Variants in ICA1L observed in about 807,000 individuals in gnomAD.
The protein encoded by ICA1L is islet cell autoantigen 1-like protein.
Under a neutral mutation model 61.3 loss-of-function variants are expected in ICA1L, and 50 were observed. That is an observed-to-expected ratio of 0.82 (90% CI 0.65 to 1.03). The LOEUF is 1.03. ICA1L is among the 50% of genes least tolerant of loss of function. The probability of loss-of-function intolerance (pLI) is 0.00; values close to 1 mark genes in which losing one functional copy is unlikely to be tolerated. For synonymous variants in ICA1L, 161 were observed against 191.3 expected, an observed-to-expected ratio of 0.84 and a Z score of 1.31; for missense variants, 508 against 556.7, an observed-to-expected ratio of 0.91 and a Z score of 0.88.
intron 1 of ICA1L, chr2:202,844,285 A>C (rs1694409656): frequency 6.6e-6 from 1 of 152,164 alleles, no homozygotes; most frequent in African/African-American, 2.4e-5. Context: ...CTGAAGTGGG[A>C]GGATCACTTG....
At chr2:202,802,683 A>G (rs1420827172) in intron 9 of ICA1L, among the ~76,000 whole-genome samples, 1 of 152,108 alleles carries the variant, frequency 6.6e-6, no homozygotes, top group Non-Finnish European at 1.5e-5. Flanking sequence ...AGTCAAGGAG[A>G]AAGGAAAATG....
chr2:202,808,005 C>T (rs1298393115), intron 9 of ICA1L, among the ~76,000 whole-genome samples: 1 of 152,142 alleles, frequency 6.6e-6, no homozygotes, highest in African/African-American at 2.4e-5. Context: ...TGGGTAAGAC[C>T]CAGGGCTGTG....
chr2:202,804,364 C>T (rs912399811), intron 9 of ICA1L, among the ~76,000 whole-genome samples: 8 of 152,218 alleles, frequency 5.3e-5, no homozygotes, highest in African/African-American at 1.4e-4. Flanking sequence ...ATTACTTCCT[C>T]CCTTTGTTCA....
chr2:202,818,362 G>T (rs968543206), intron 5 of ICA1L, among the ~76,000 whole-genome samples: 1 of 152,116 alleles, frequency 6.6e-6, no homozygotes, highest in Non-Finnish European at 1.5e-5. Context: ...GTGGGAGGGG[G>T]TGAAGACCTT....
At chr2:202,864,746 C>T (rs1182555908) in intron 1 of ICA1L, among the ~76,000 whole-genome samples, 4 of 152,036 alleles carry the variant, frequency 2.6e-5, no homozygotes, top group South Asian at 2.1e-4. Flanking sequence ...GGGCCAGGTG[C>T]GGTGGCTCAC....
chr2:202,831,818 C>A (rs1278870163), intron 1 of ICA1L, among the ~76,000 whole-genome samples: 1 of 152,182 alleles, frequency 6.6e-6, no homozygotes, highest in Non-Finnish European at 1.5e-5. Flanking sequence ...AAGGGCACTG[C>A]TAAATCTGCT....
chr2:202,863,832 AAAAAAAAGGAAT>A (rs1439174130), intron 1 of ICA1L, among the ~76,000 whole-genome samples: 1 of 152,034 alleles, frequency 6.6e-6, no homozygotes, highest in Non-Finnish European at 1.5e-5. Flanking sequence ...CTCAAAAAAA[AAAAAAAAGGAAT>A]AAAAGAAGGA....
chr2:202,811,852 C>G (rs1693388585), intron 8 of ICA1L, 63 bp from the exon 9 acceptor site: 1 of 1,214,190 alleles, frequency 8.2e-7, no homozygotes, highest in African/African-American at 1.5e-5. Context: ...TTCATATTCC[C>G]CAAACAGTTT....
chr2:202,802,563 G>A (rs577528452), intron 9 of ICA1L, among the ~76,000 whole-genome samples: 116 of 151,578 alleles, frequency 7.7e-4, no homozygotes, highest in African/African-American at 2.7e-3. Context: ...TGAAAGAGCA[G>A]AATACCAAAA....
chr2:202,836,306 G>T (rs867771996), intron 1 of ICA1L, among the ~76,000 whole-genome samples: 3 of 152,052 alleles, frequency 2.0e-5, no homozygotes, highest in Non-Finnish European at 4.4e-5. Context: ...CTGTAAATAT[G>T]GTGTATCACT....
chr2:202,819,543 G>A (rs1693637175), intron 5 of ICA1L, 158 bp downstream of exon 5: 1 of 620,148 alleles, frequency 1.6e-6, no homozygotes, highest in Non-Finnish European at 2.8e-6. Context: ...ATAAAAGTGT[G>A]ACAAACTTTT....
intron 7 of ICA1L, among the ~76,000 whole-genome samples, chr2:202,815,050 AAAG>A (rs1279535096): frequency 6.6e-6 from 1 of 152,246 alleles, no homozygotes; most frequent in East Asian, 1.9e-4. Flanking sequence ...TAATAGGCCT[AAAG>A]AAGACTTAAA....
At chr2:202,801,741 A>G in intron 9 of ICA1L, among the ~76,000 whole-genome samples, 1 of 152,354 alleles carries the variant, frequency 6.6e-6, no homozygotes, top group African/African-American at 2.4e-5. Flanking sequence ...GCTGTGGGCA[A>G]TGCCTGTGCT....
rs1461864728 is a variant in ICA1L, at chr2:202,777,943, C to CCAT, written c.*1587_*1589dup. 2.0e-5 allele frequency: 3 copies of CCAT among 146,800 alleles called. No individual in the cohort carries two copies. The highest frequency in any genetic ancestry group is 4.0e-4 in the East Asian group (2 of 5,014). The allele number at this position is 146,800 out of a possible 1,614,324, so 9.1% of individuals were successfully genotyped here. On this transcript the variant is annotated 3_prime_UTR_variant, in exon 13 of 13. Transcript: ENST00000358299. ...TTGCCTAGGCTGGAGTGCAGTGGCGCCATCTCAGCTCACTGCAAGCTCCGC... is the reference window on the plus strand; with the variant it reads ...TTGCCTAGGCTGGAGTGCAGTGGCGCCATCATCTCAGCTCACTGCAAGCTCCGC...
Position 202,773,596 on chromosome 2 carries a change from C to G in ICA1L, c.*5937G>C. On this transcript the variant is annotated 3_prime_UTR_variant, in exon 13 of 13. Coordinates refer to ENST00000358299, the MANE Select transcript of ICA1L (RefSeq NM_001288622.3). ...GTCTGCAACTTAAGCCGTCCACAGTCCTAAGCCTGATATGCTCAAAGCAAA... is the reference window on the plus strand; with the variant it reads ...GTCTGCAACTTAAGCCGTCCACAGTGCTAAGCCTGATATGCTCAAAGCAAA... 1.8e-6 allele frequency: 1 copy of G among 566,838 alleles called. No individual in the cohort carries two copies. The highest frequency in any genetic ancestry group is 3.2e-6 in the Non-Finnish European group (1 of 317,294). The allele number at this position is 566,838 out of a possible 1,614,324, so 35.1% of individuals were successfully genotyped here. A position where few individuals can be genotyped will look rare whatever the true frequency, so the allele number is the denominator to read the frequency against.
chr2:202,790,982 G>A (rs1310538296), intron 10 of ICA1L, among the ~76,000 whole-genome samples: 1 of 152,206 alleles, frequency 6.6e-6, no homozygotes, highest in African/African-American at 2.4e-5. Flanking sequence ...ATTTGTAACA[G>A]AGTGTAGAGA....
intron 10 of ICA1L, among the ~76,000 whole-genome samples, chr2:202,790,139 T>A (rs1056967510): frequency 2.0e-5 from 3 of 147,912 alleles, no homozygotes; most frequent in African/African-American, 7.4e-5. Flanking sequence ...ATTCTAGAAT[T>A]GCAAATAAAA....
intron 1 of ICA1L, among the ~76,000 whole-genome samples, chr2:202,855,858 A>G (rs573010142): frequency 1.3e-5 from 2 of 152,118 alleles, no homozygotes; most frequent in African/African-American, 2.4e-5. Flanking sequence ...GGCAGATCAC[A>G]AGGTCAGGAG....
At chr2:202,787,711 A>G (rs939178678) in intron 11 of ICA1L, among the ~76,000 whole-genome samples, 6 of 152,262 alleles carry the variant, frequency 3.9e-5, no homozygotes, top group African/African-American at 1.4e-4. Flanking sequence ...AGTACAATGC[A>G]TTAAGACACT....
Sources: gnomAD v4.1 joint callset for allele counts (sites outside exome capture counted in the v4.1 genomes callset) on GRCh38, gnomAD v4.1.1 for gene constraint, MANE v1.5 for transcripts, NCBI Gene and HGNC (gene_info 2026-07-23, HGNC 2026-07-21) for gene names.